The following MAP9 variants were observed in gnomAD, a reference collection of about 807,000 sequenced individuals.
MAP9 encodes microtubule-associated protein 9.
Under a neutral mutation model 75.2 loss-of-function variants are expected in MAP9, and 80 were observed. That is an observed-to-expected ratio of 1.06 (90% CI 0.89 to 1.28). MAP9 has a LOEUF of 1.28. Among genes scored for constraint, MAP9 ranks in the 50% most tolerant of loss-of-function variants. The pLI is 0.00. For missense variants in MAP9, 753 were observed against 719.9 expected, an observed-to-expected ratio of 1.05 and a Z score of -0.53; for synonymous variants, 235 against 237.3, an observed-to-expected ratio of 0.99 and a Z score of 0.09.
In MAP9 at chr4:155,373,320, A is replaced by AC; in HGVS notation, c.296dup (p.Asn100Ter). The AC allele has an allele frequency of 6.2e-7, 1 of 1,613,694 alleles. No homozygotes were observed. Among genetic ancestry groups the AC allele is most frequent in the Non-Finnish European group, 8.5e-7 (1 of 1,179,868 alleles). ...ACACTGGCTCATCTTTGGTTATGTT[A>AC]CCGTTTGATTTATTGGTTTTCAAAA... On this transcript the variant is annotated frameshift_variant, in exon 4 of 14. Transcript: ENST00000311277. LOFTEE classifies it high-confidence loss of function.
chr4:155,360,447 C>T (rs771513597), intron 6 of MAP9, 32 bp from the exon 7 acceptor site: 7 of 1,580,288 alleles, frequency 4.4e-6, no homozygotes, highest in Admixed American at 3.5e-5. Context: ...GCATTAAAAC[C>T]CCCTTCTGAA....
intron 4 of MAP9, among the ~76,000 whole-genome samples, chr4:155,371,245 T>A (rs911798979): frequency 1.3e-5 from 2 of 151,716 alleles, no homozygotes; most frequent in South Asian, 4.2e-4. Flanking sequence ...TACTCAGCAA[T>A]ATCTCACCAC....
Position 155,351,970 on chromosome 4 carries a change from A to G in MAP9, c.1821+626T>C, listed in dbSNP as rs1306688266. On this transcript the variant is annotated intron_variant, in intron 13 of 13. Transcript: ENST00000311277. Reference sequence around the variant, plus strand: ...ACTTATATAAACATGGACAAAATGCATATTTATATTGATATTCTAAAATGG... The same window carrying G: ...ACTTATATAAACATGGACAAAATGCGTATTTATATTGATATTCTAAAATGG... Among the ~76,000 whole-genome samples the G allele has an allele frequency of 7.8e-4, 119 of 152,058 alleles. 3 individuals carry two copies. Among genetic ancestry groups the G allele is most frequent in the Admixed American group, 7.8e-3 (119 of 15,250 alleles).
At chr4:155,352,883 A>G (rs1256987449) in intron 12 of MAP9, 29 bp downstream of exon 12, 1 of 1,467,336 alleles carries the variant, frequency 6.8e-7, no homozygotes, top group Non-Finnish European at 9.2e-7. Flanking sequence ...AATTTAAAAT[A>G]TATCAAAATA....
intron 13 of MAP9, chr4:155,349,545 A>G (rs1011013240): frequency 6.6e-6 from 1 of 152,032 alleles, no homozygotes; most frequent in African/African-American, 2.4e-5. Flanking sequence ...CACATGTAAC[A>G]AACAAAGTGA....
At chr4:155,373,488 A>G (rs1560819250) in intron 3 of MAP9, 32 bp from the exon 4 acceptor site, 1 of 1,381,738 alleles carries the variant, frequency 7.2e-7, no homozygotes, top group Non-Finnish European at 9.6e-7. Flanking sequence ...TGTTTTCAAC[A>G]GTATTTTTAA....
intron 7 of MAP9, 34 bp from the exon 8 acceptor site, chr4:155,357,553 C>T (rs1227858918): frequency 4.0e-6 from 5 of 1,265,254 alleles, no homozygotes; most frequent in South Asian, 2.4e-5. Flanking sequence ...ATGATTTATT[C>T]ATGACAACTA....
chr4:155,372,502 A>G (rs774638691), intron 4 of MAP9, among the ~76,000 whole-genome samples: 1 of 151,772 alleles, frequency 6.6e-6, no homozygotes, highest in Non-Finnish European at 1.5e-5. Context: ...TTGTGGGCAG[A>G]ACTAACTGTA....
rs1578856764 is a variant in MAP9 at position 155,368,255 on chromosome 4, T to C, written c.708+331A>G. 8.2e-6 allele frequency: 4 copies of C among 487,440 alleles called. No individual in the cohort carries two copies. In the South Asian group the frequency reaches 1.6e-4, roughly 19 times the overall value. The allele number at this position is 487,440 out of a possible 1,614,324, so 30.2% of individuals were successfully genotyped here. On this transcript the variant is annotated intron_variant, in intron 5 of 13. Transcript: ENST00000311277. ...AAAAATTATTAAAGATAAACACTATTATATAGATTCAGAAAAGCAACACTT... is the reference window on the plus strand; with the variant it reads ...AAAAATTATTAAAGATAAACACTATCATATAGATTCAGAAAAGCAACACTT...
At chr4:155,356,293 A>T (rs1049431805) in intron 8 of MAP9, among the ~76,000 whole-genome samples, 2 of 152,080 alleles carry the variant, frequency 1.3e-5, no homozygotes, top group African/African-American at 4.8e-5. Context: ...ACTACATTAT[A>T]ATTTAACAAA....
intron 4 of MAP9, among the ~76,000 whole-genome samples, chr4:155,369,719 G>A (rs1185595597): frequency 6.6e-6 from 1 of 152,202 alleles, no homozygotes; most frequent in African/African-American, 2.4e-5. Context: ...AGGGATAGGA[G>A]TGCTAACTCT....
chr4:155,374,628 C>G (rs1482944643), intron 3 of MAP9, among the ~76,000 whole-genome samples: 1 of 152,186 alleles, frequency 6.6e-6, no homozygotes, highest in African/African-American at 2.4e-5. Flanking sequence ...TAAAGATGAA[C>G]CTGTCTTCTT....
Position 155,353,242 on chromosome 4 carries a change from A to C in MAP9, c.1479T>G (p.Leu493=), listed in dbSNP as rs1731603789. ...EAKKIAAKKR[L]EEKNKKKTEE... Reference sequence around the variant, plus strand: ...CAGTTTTCTTCTTGTTTTTTTCTTCAAGCCTCTTTTTGGCAGCTATTTTCT... The same window carrying C: ...CAGTTTTCTTCTTGTTTTTTTCTTCCAGCCTCTTTTTGGCAGCTATTTTCT... The change falls in exon 11 of 14, where the codon CTT becomes CTG. Residue 493 remains leucine, a synonymous_variant. Coordinates refer to ENST00000311277, the MANE Select transcript of MAP9 (RefSeq NM_001039580.2). The C allele has an allele frequency of 6.2e-7, 1 of 1,608,322 alleles. No homozygotes were observed. Among genetic ancestry groups the C allele is most frequent in the Non-Finnish European group, 8.5e-7 (1 of 1,177,900 alleles).
chr4:155,351,857 T>C (rs533976420), intron 13 of MAP9, among the ~76,000 whole-genome samples: 98 of 152,066 alleles, frequency 6.4e-4, no homozygotes, highest in Non-Finnish European at 1.1e-3. Flanking sequence ...AATACTATAA[T>C]TTTGGTTGCT....
intron 3 of MAP9, among the ~76,000 whole-genome samples, chr4:155,373,666 C>A: frequency 6.6e-6 from 1 of 152,246 alleles, no homozygotes; most frequent in African/African-American, 2.4e-5. Context: ...ATTCCAATTT[C>A]ATTAATTTAT....
chr4:155,354,974 T>C (rs960813804), intron 10 of MAP9, 97 bp downstream of exon 10: 21 of 533,902 alleles, frequency 3.9e-5, no homozygotes, highest in African/African-American at 1.6e-4. Context: ...ACAAGTTATT[T>C]TGCCATTTAA....
Position 155,355,636 on chromosome 4 carries a change from G to A in MAP9, c.1290+80C>T, listed in dbSNP as rs6857158. 3.5e-5 allele frequency: 37 copies of A among 1,046,356 alleles called. 1 individual carries two copies. Among genetic ancestry groups the A allele is most frequent in the Non-Finnish European group, 4.4e-5 (33 of 743,064 alleles). 64.8% of individuals were successfully genotyped at this position (1,046,356 alleles called of 1,614,324 possible). On this transcript the variant is annotated intron_variant, in intron 9 of 13. Transcript: ENST00000311277. Reference sequence around the variant, plus strand: ...GTATTAAACCATCATTTTCTATCAGGATTACTTTATTCTTTATAAACAGTG... The same window carrying A: ...GTATTAAACCATCATTTTCTATCAGAATTACTTTATTCTTTATAAACAGTG...
At chr4:155,374,705 G>A (rs761079687) in intron 3 of MAP9, among the ~76,000 whole-genome samples, 22 of 152,110 alleles carry the variant, frequency 1.4e-4, no homozygotes, top group Middle Eastern at 6.8e-3. Context: ...TTATATTTTC[G>A]TATACACATT....
At chr4:155,360,719 C>A (rs1560810029) in intron 6 of MAP9, among the ~76,000 whole-genome samples, 3 of 151,928 alleles carry the variant, frequency 2.0e-5, no homozygotes. Context: ...TGTTGATATA[C>A]AAACCAAGTA....
Sources: allele counts gnomAD v4.1 joint callset (sites outside exome capture counted in the v4.1 genomes callset), GRCh38; gene constraint gnomAD v4.1.1; transcripts MANE v1.5; gene names NCBI Gene and HGNC (gene_info 2026-07-23, HGNC 2026-07-21).